PARD3: variants seen among roughly 807,000 people sequenced by gnomAD.
PARD3 encodes partitioning defective 3 homolog.
Under a neutral mutation model 155.4 loss-of-function variants are expected in PARD3, and 75 were observed. That is an observed-to-expected ratio of 0.48 (90% CI 0.40 to 0.58). The LOEUF is 0.58. PARD3 is among the 20% of genes least tolerant of loss of function. PARD3 has a pLI of 0.00. For synonymous variants in PARD3, 576 were observed against 610.5 expected, an observed-to-expected ratio of 0.94 and a Z score of 0.83; for missense variants, 1,642 against 1,721.7, an observed-to-expected ratio of 0.95 and a Z score of 0.82.
chr10:34,163,351 G>A (rs913630529), intron 22 of PARD3, among the ~76,000 whole-genome samples: 5 of 152,200 alleles, frequency 3.3e-5, no homozygotes, highest in Non-Finnish European at 5.9e-5. Flanking sequence ...CTTGGGTGAG[G>A]TGGCATATAT....
chr10:34,384,950 C>T (rs941287352), intron 7 of PARD3, among the ~76,000 whole-genome samples: 1 of 152,122 alleles, frequency 6.6e-6, no homozygotes, highest in Non-Finnish European at 1.5e-5. Context: ...TGTACTCACT[C>T]AGGTTGAAAG....
At position 34,543,811 on chromosome 10, in the gene PARD3, C is replaced by T. The variant is rs576596528; in HGVS notation, c.223-26652G>A. Among the ~76,000 whole-genome samples the T allele has an allele frequency of 6.6e-5, 10 of 152,232 alleles. No individual in the cohort carries two copies. The South Asian group carries it at 1.7e-3, about 25-fold the overall frequency. ...AAGCAGCAGCCAGTATCCTAGGATG[C>T]CTTTTGTCATCATTTGCATTAAGCT... is the stretch of plus-strand genomic sequence containing the variant. On this transcript the variant is annotated intron_variant, in intron 2 of 24. Coordinates refer to ENST00000374788, the MANE Select transcript of PARD3 (RefSeq NM_001184785.2).
At chr10:34,662,381 G>C (rs757416846) in intron 2 of PARD3, among the ~76,000 whole-genome samples, 1 of 152,190 alleles carries the variant, frequency 6.6e-6, no homozygotes, top group Non-Finnish European at 1.5e-5. Context: ...GCTATCACAT[G>C]ATCCAGCAAT....
chr10:34,556,414 G>A (rs1237109060), intron 2 of PARD3, among the ~76,000 whole-genome samples: 1 of 144,276 alleles, frequency 6.9e-6, no homozygotes, highest in African/African-American at 2.6e-5. Context: ...ACAGAGTCTT[G>A]CTCTGTCGCC....
At chr10:34,186,347 G>T (rs554713405) in intron 22 of PARD3, among the ~76,000 whole-genome samples, 2 of 139,314 alleles carry the variant, frequency 1.4e-5, no homozygotes, top group East Asian at 4.2e-4. Flanking sequence ...GTGACAGAAT[G>T]AGACCCTCTT....
chr10:34,797,259 T>C (rs1842369617), intron 1 of PARD3, among the ~76,000 whole-genome samples: 1 of 152,138 alleles, frequency 6.6e-6, no homozygotes, highest in African/African-American at 2.4e-5. Context: ...CAAGCGATTC[T>C]CCCACCTCAG....
intron 5 of PARD3, among the ~76,000 whole-genome samples, chr10:34,402,385 A>C (rs12264176): frequency 0.041 from 6,202 of 151,828 alleles, 407 homozygotes; most frequent in African/African-American, 0.14. Context: ...AAAGCTTCAA[A>C]GTCATGTTTC....
Position 34,331,328 on chromosome 10 carries a change from A to C in PARD3, c.2622T>G (p.Asp874Glu). 1 of 1,612,864 alleles carries C rather than the reference A, an allele frequency of 6.2e-7. No individual in the cohort carries two copies. ...TCTTCAGACCCAGGGAAGGACCCAC[A>C]TCTCTGCTGGGAGAACCTGGGAGGT... is the stretch of plus-strand genomic sequence containing the variant. ...DDQKAGSPSR[D>E]VGPSLGLKKS... Residue 874 changes from aspartate (D) to glutamate (E), a missense_variant, in exon 19 of 25, where the codon GAT (aspartate) becomes GAG (glutamate). Around this residue, in one of 3 missense-constraint regions of PARD3, gnomAD observed 1,529 missense variants for 1,587.3 expected, o/e 0.96. Coordinates refer to ENST00000374788, the MANE Select transcript of PARD3 (RefSeq NM_001184785.2).
chr10:34,405,067 AT>A (rs1169226105), intron 5 of PARD3, among the ~76,000 whole-genome samples: 1 of 79,084 alleles, frequency 1.3e-5, no homozygotes, highest in African/African-American at 9.7e-5. Flanking sequence ...GTGAGACCCC[AT>A]CACAAACACA....
At chr10:34,125,696 T>C (rs1947251411) in intron 23 of PARD3, among the ~76,000 whole-genome samples, 1 of 152,166 alleles carries the variant, frequency 6.6e-6, no homozygotes, top group Non-Finnish European at 1.5e-5. Flanking sequence ...GGACAGATTT[T>C]GTTATTCATT....
chr10:34,506,962 G>A (rs143134274), intron 3 of PARD3, among the ~76,000 whole-genome samples: 292 of 152,164 alleles, frequency 1.9e-3, no homozygotes, highest in African/African-American at 6.6e-3. Flanking sequence ...TGTCTTATCC[G>A]CCAAATTGCT....
intron 1 of PARD3, among the ~76,000 whole-genome samples, chr10:34,776,833 T>TTTTGGGGGGGGGGG (rs1564608800): frequency 5.0e-4 from 5 of 9,918 alleles, no homozygotes; most frequent in African/African-American, 1.4e-3. Flanking sequence ...CGTGTTTTTT[T>TTTTGGGGGGGGGGG]GTGGGGGGGG....
intron 1 of PARD3, among the ~76,000 whole-genome samples, chr10:34,713,597 C>CA (rs1305382940): frequency 1.3e-5 from 2 of 151,810 alleles, no homozygotes; most frequent in African/African-American, 2.4e-5. Flanking sequence ...TCAATCCCAC[C>CA]AAAAAAATTA....
chr10:34,442,705 C>A (rs916225276), intron 5 of PARD3, among the ~76,000 whole-genome samples: 5 of 151,998 alleles, frequency 3.3e-5, no homozygotes, highest in African/African-American at 1.2e-4. Context: ...CCCACCTGTA[C>A]AAAAAAATTT....
rs955310311 is a variant in PARD3, at chr10:34,223,660, T to C, written c.3419+45997A>G. 2.6e-5 allele frequency among the ~76,000 whole-genome samples: 4 copies of C among 152,242 alleles called. No individual in the cohort carries two copies. In the East Asian group the frequency reaches 5.8e-4, roughly 22 times the overall value. ...GCTACAGACTGCTACAGAGAAATTG[T>C]ATGGGCTTAGCATAATCAAGTTCAT... On this transcript the variant is annotated intron_variant, in intron 22 of 24. Coordinates refer to ENST00000374788, the MANE Select transcript of PARD3 (RefSeq NM_001184785.2).
chr10:34,619,024 C>T (rs1355391368), intron 2 of PARD3, among the ~76,000 whole-genome samples: 2 of 151,888 alleles, frequency 1.3e-5, no homozygotes, highest in Admixed American at 1.3e-4. Context: ...CTAGAGTTCA[C>T]CAATATAGTC....
chr10:34,504,441 A>G (rs915515392), intron 3 of PARD3, among the ~76,000 whole-genome samples: 29 of 151,894 alleles, frequency 1.9e-4, no homozygotes, highest in Non-Finnish European at 7.4e-5. Flanking sequence ...AAAAAAAAAA[A>G]AAAAGAAAAG....
At chr10:34,805,132 C>T (rs938984007) in intron 1 of PARD3, among the ~76,000 whole-genome samples, 1 of 152,082 alleles carries the variant, frequency 6.6e-6, no homozygotes, top group Non-Finnish European at 1.5e-5. Context: ...CTGAGGCGGG[C>T]GGATCATGAG....
chr10:34,644,225 C>T (rs2092765996), intron 2 of PARD3, among the ~76,000 whole-genome samples: 1 of 152,194 alleles, frequency 6.6e-6, no homozygotes, highest in Admixed American at 6.5e-5. Flanking sequence ...GTGCCTAAGA[C>T]TGCAGCCCAG....
Sources: gnomAD v4.1 joint callset for allele counts (sites outside exome capture counted in the v4.1 genomes callset) on GRCh38, gnomAD v4.1.1 for gene constraint, gnomAD v4.1.1 regional missense constraint, MANE v1.5 for transcripts, NCBI Gene and HGNC (gene_info 2026-07-23, HGNC 2026-07-21) for gene names.